The following GABRA2 variants were observed in gnomAD, a reference collection of about 807,000 sequenced individuals.
GABRA2 encodes the protein gamma-aminobutyric acid receptor subunit alpha-2.
GABRA2 carries 16 observed loss-of-function variants against 48.7 expected under a neutral mutation model. That is an observed-to-expected ratio of 0.33 (90% CI 0.22 to 0.50). The LOEUF is 0.50. Among genes scored for constraint, GABRA2 ranks in the 20% least tolerant of loss-of-function variants. GABRA2 has a pLI of 0.98. For synonymous variants in GABRA2, 185 were observed against 184.5 expected, an observed-to-expected ratio of 1.00 and a Z score of -0.02; for missense variants, 275 against 535.6, an observed-to-expected ratio of 0.51 and a Z score of 4.80.
chr4:46,367,534 C>A (rs949736824), intron 3 of GABRA2: 2 of 152,076 alleles, frequency 1.3e-5, no homozygotes, highest in African/African-American at 4.8e-5. Context: ...CTTCACAGCA[C>A]AAATGGCAAA....
At chr4:46,346,992 G>A (rs183177295) in intron 3 of GABRA2, among the ~76,000 whole-genome samples, 1 of 151,908 alleles carries the variant, frequency 6.6e-6, no homozygotes, top group Admixed American at 6.6e-5. Context: ...TGAACAATCT[G>A]AGTCCTATTT....
chr4:46,338,746 G>A (rs279841), intron 3 of GABRA2, among the ~76,000 whole-genome samples: 57,144 of 151,570 alleles, frequency 0.38, 11,495 homozygotes, highest in East Asian at 0.56. Context: ...ATCCATAGAT[G>A]TTTTTTCTTG....
rs553503415 is a variant in GABRA2 at position 46,315,875 on chromosome 4, G to T, written c.256-3159C>A. On this transcript the variant is annotated intron_variant, in intron 4 of 9. Transcript: ENST00000381620. The stretch of plus-strand genomic sequence containing the variant: ...TCAATCACAGCCCCCTAGTCTCTGA[G>T]GAAATAAGTATCTTGAGTTTAGTGT... 7.9e-5 allele frequency among the ~76,000 whole-genome samples: 12 copies of T among 151,422 alleles called. No homozygotes were observed. In the South Asian group the frequency reaches 2.3e-3, roughly 29 times the overall value.
chr4:46,248,771 ACTT>A lies in GABRA2; in HGVS notation c.*1534_*1536del, dbSNP rs1457942573. The A allele has an allele frequency of 6.6e-6, 1 of 151,470 alleles. No homozygotes were observed. The highest frequency in any genetic ancestry group is 1.5e-5 in the Non-Finnish European group (1 of 67,664). The allele number at this position is 151,470 out of a possible 1,614,324, so 9.4% of individuals were successfully genotyped here. ...CTGCAATAAATGTTACTATTTGACT[ACTT>A]ATGTTTCTACAAAAACACCATCGTA... is the stretch of plus-strand genomic sequence containing the variant. On this transcript the variant is annotated 3_prime_UTR_variant, in exon 10 of 10. Transcript: ENST00000381620.
intron 3 of GABRA2, among the ~76,000 whole-genome samples, chr4:46,343,573 A>ACTTTT (rs1733654796): frequency 6.6e-6 from 1 of 152,028 alleles, no homozygotes; most frequent in Non-Finnish European, 1.5e-5. Flanking sequence ...AAAAGTACAG[A>ACTTTT]AAGAGAACAG....
At chr4:46,320,896 G>C (rs2109748970) in intron 4 of GABRA2, among the ~76,000 whole-genome samples, 1 of 151,964 alleles carries the variant, frequency 6.6e-6, no homozygotes, top group Non-Finnish European at 1.5e-5. Flanking sequence ...CAAGAGAAAT[G>C]AAATCATGAC....
rs2084960236 is a variant in GABRA2 at position 46,250,007 on chromosome 4, C to A, written c.*301G>T. On this transcript the variant is annotated 3_prime_UTR_variant, in exon 10 of 10. Transcript: ENST00000381620. Reference sequence around the variant, plus strand: ...TCCACAAAGGGTTGTACAGGATCCCCATTTTCATCTCATTTGGAAGAATAG... The same window carrying A: ...TCCACAAAGGGTTGTACAGGATCCCAATTTTCATCTCATTTGGAAGAATAG... The A allele has an allele frequency of 3.8e-6, 1 of 264,264 alleles. No individual in the cohort carries two copies. Among genetic ancestry groups the A allele is most frequent in the Admixed American group, 4.9e-5 (1 of 20,214 alleles). The allele number at this position is 264,264 out of a possible 1,614,324, so 16.4% of individuals were successfully genotyped here.
chr4:46,331,389 C>A (rs1292562187), intron 4 of GABRA2, among the ~76,000 whole-genome samples: 1 of 152,086 alleles, frequency 6.6e-6, no homozygotes, highest in African/African-American at 2.4e-5. Context: ...TATTTTGTAA[C>A]ATAAAAGTGG....
At chr4:46,359,387 T>C (rs1018913446) in intron 3 of GABRA2, among the ~76,000 whole-genome samples, 3 of 152,296 alleles carry the variant, frequency 2.0e-5, no homozygotes, top group African/African-American at 7.2e-5. Context: ...ATAATCATTA[T>C]ACTCAACTTT....
At chr4:46,291,949 CTG>C (rs1560485804) in intron 8 of GABRA2, among the ~76,000 whole-genome samples, 1 of 151,892 alleles carries the variant, frequency 6.6e-6, no homozygotes. Flanking sequence ...CTAGAGTTGA[CTG>C]TTTAATATAA....
chr4:46,340,683 T>A (rs1733067927), intron 3 of GABRA2, among the ~76,000 whole-genome samples: 1 of 152,044 alleles, frequency 6.6e-6, no homozygotes, highest in South Asian at 2.1e-4. Context: ...ATTTTTTACA[T>A]GTTGCTGAAT....
Position 46,315,883 on chromosome 4 carries a change from G to A in GABRA2, c.256-3167C>T, listed in dbSNP as rs571955582. 1.5e-4 allele frequency among the ~76,000 whole-genome samples: 23 copies of A among 151,270 alleles called. No homozygotes were observed. The South Asian group carries it at 4.6e-3, about 30-fold the overall frequency. ...AGCCCCCTAGTCTCTGAGGAAATAA[G>A]TATCTTGAGTTTAGTGTACACCCTT... On this transcript the variant is annotated intron_variant, in intron 4 of 9. Coordinates refer to ENST00000381620, the MANE Select transcript of GABRA2 (RefSeq NM_000807.4).
In GABRA2 at chr4:46,390,101, G is replaced by A; in HGVS notation, c.-377C>T. On this transcript the variant is annotated 5_prime_UTR_variant, in exon 1 of 10. Transcript: ENST00000381620. ...CGCGGGCGGAGGCGCGGTGCGCGCC[G>A]GCGGTGGCGGGCACGAGCCCCGCGC... The A allele has an allele frequency of 2.1e-6, 2 of 973,444 alleles. No individual in the cohort carries two copies. The highest frequency in any genetic ancestry group is 2.4e-6 in the Non-Finnish European group (2 of 819,344). The allele number at this position is 973,444 out of a possible 1,614,324, so 60.3% of individuals were successfully genotyped here.
chr4:46,270,779 C>G (rs1719167109), intron 8 of GABRA2, among the ~76,000 whole-genome samples: 1 of 151,824 alleles, frequency 6.6e-6, no homozygotes, highest in Admixed American at 6.6e-5. Context: ...TGTTTTAACT[C>G]ATAATAGCTG....
rs1715801888 is a variant in GABRA2 at position 46,256,247 on chromosome 4, G to A, written c.1060-5643C>T. On this transcript the variant is annotated intron_variant, in intron 9 of 9. Coordinates refer to ENST00000381620, the MANE Select transcript of GABRA2 (RefSeq NM_000807.4). ...CATCCACTTCTCTAAGTACTCTAAA[G>A]TCTTTTCTTGGAATAAACTGGGCCA... The A allele has an allele frequency of 5.8e-6, 4 of 695,010 alleles. No homozygotes were observed. The highest frequency in any genetic ancestry group is 2.0e-5 in the Admixed American group (1 of 49,588). The allele number at this position is 695,010 out of a possible 1,614,324, so 43.1% of individuals were successfully genotyped here.
chr4:46,355,320 T>G (rs188360291), intron 3 of GABRA2, among the ~76,000 whole-genome samples: 109 of 152,266 alleles, frequency 7.2e-4, no homozygotes, highest in African/African-American at 2.5e-3. Context: ...TAAACTATAT[T>G]TTTTTAGAAT....
intron 3 of GABRA2, among the ~76,000 whole-genome samples, chr4:46,377,373 A>C (rs1194281554): frequency 7.5e-6 from 1 of 132,580 alleles, no homozygotes; most frequent in African/African-American, 3.0e-5. Flanking sequence ...TGTGGGGAGC[A>C]CCTCTGCCCT....
intron 9 of GABRA2, among the ~76,000 whole-genome samples, chr4:46,251,669 C>T (rs142491545): frequency 5.0e-4 from 76 of 151,550 alleles, no homozygotes; most frequent in African/African-American, 1.8e-3. Context: ...CATCTCTTTG[C>T]TCCCATATAT....
intron 4 of GABRA2, among the ~76,000 whole-genome samples, chr4:46,331,186 G>A (rs541160136): frequency 6.6e-6 from 1 of 152,232 alleles, no homozygotes; most frequent in Non-Finnish European, 1.5e-5. Flanking sequence ...AGTTGAAGGA[G>A]AAAAATAAAA....
Sources: allele counts gnomAD v4.1 joint callset (sites outside exome capture counted in the v4.1 genomes callset), GRCh38; gene constraint gnomAD v4.1.1; transcripts MANE v1.5; gene names NCBI Gene and HGNC (gene_info 2026-07-23, HGNC 2026-07-21).